Variants in PCDH9 observed in about 807,000 individuals in gnomAD.
PCDH9 encodes the protein protocadherin-9.
In PCDH9, 24 loss-of-function variants were observed where a neutral mutation model predicts 70.6. The ratio of observed to expected loss-of-function variants is 0.34; its 90% confidence interval spans 0.25 to 0.48. The LOEUF (loss-of-function observed/expected upper bound fraction) is 0.48, where lower values mean the gene tolerates loss of function less well. Among genes scored for constraint, PCDH9 ranks in the 20% least tolerant of loss-of-function variants. PCDH9 has a pLI of 0.99. For synonymous variants in PCDH9, 562 were observed against 558.5 expected (o/e 1.01, Z -0.09); for missense variants, 1,281 against 1,503.6 (o/e 0.85, Z 2.45).
intron 3 of PCDH9, among the ~76,000 whole-genome samples, chr13:66,846,499 C>A (rs560255918): frequency 1.3e-5 from 2 of 152,170 alleles, no homozygotes; most frequent in Non-Finnish European, 2.9e-5. Context: ...GTAAATATTT[C>A]TTTCATATTT....
chr13:66,416,898 TCAG>T (rs1448636957), intron 4 of PCDH9, among the ~76,000 whole-genome samples: 1 of 152,184 alleles, frequency 6.6e-6, no homozygotes, highest in African/African-American at 2.4e-5. Flanking sequence ...AGAGCTTAGA[TCAG>T]CAGCAGAAGG....
intron 3 of PCDH9, among the ~76,000 whole-genome samples, chr13:66,808,419 A>G (rs1215579770): frequency 6.6e-6 from 1 of 152,228 alleles, no homozygotes; most frequent in African/African-American, 2.4e-5. Context: ...AATACAAGAT[A>G]TATATTTTTT....
intron 4 of PCDH9, among the ~76,000 whole-genome samples, chr13:66,493,893 A>T (rs554091646): frequency 1.3e-5 from 2 of 152,234 alleles, no homozygotes; most frequent in African/African-American, 4.8e-5. Context: ...CTGCAATACT[A>T]AAAAGGTTTA....
intron 2 of PCDH9, among the ~76,000 whole-genome samples, chr13:67,029,591 G>A (rs1358953885): frequency 6.6e-6 from 1 of 152,134 alleles, no homozygotes; most frequent in Non-Finnish European, 1.5e-5. Context: ...CCCTGAATGT[G>A]TTTTAAGAGC....
intron 3 of PCDH9, among the ~76,000 whole-genome samples, chr13:66,840,248 T>C (rs2081093726): frequency 6.8e-6 from 1 of 147,900 alleles, no homozygotes; most frequent in Admixed American, 7.0e-5. Context: ...ATCTTTTATA[T>C]TACATTAGAA....
At chr13:66,650,944 G>A (rs767857118) in intron 3 of PCDH9, among the ~76,000 whole-genome samples, 10 of 151,848 alleles carry the variant, frequency 6.6e-5, no homozygotes, top group Non-Finnish European at 1.5e-4. Flanking sequence ...CAGGGGGTGA[G>A]TGAAGAAATT....
chr13:66,634,713 A>G (rs1325020999), intron 3 of PCDH9, among the ~76,000 whole-genome samples: 1 of 152,182 alleles, frequency 6.6e-6, no homozygotes, highest in African/African-American at 2.4e-5. Context: ...ATAATTATTG[A>G]AATTTAAAAC....
chr13:66,840,196 A>T (rs985385298), intron 3 of PCDH9, among the ~76,000 whole-genome samples: 3 of 152,180 alleles, frequency 2.0e-5, no homozygotes, highest in African/African-American at 7.2e-5. Flanking sequence ...CCATTTTCTG[A>T]ATACTGAATA....
chr13:66,974,158 G>C (rs956442115), intron 2 of PCDH9, among the ~76,000 whole-genome samples: 4 of 151,836 alleles, frequency 2.6e-5, no homozygotes, highest in African/African-American at 7.3e-5. Context: ...AATACCAAAA[G>C]GTTAAATTTA....
intron 3 of PCDH9, among the ~76,000 whole-genome samples, chr13:66,824,408 C>T (rs1186367773): frequency 6.8e-6 from 1 of 147,684 alleles, no homozygotes; most frequent in East Asian, 2.0e-4. Context: ...GTAATCCCAG[C>T]ACTTTGGGAG....
intron 3 of PCDH9, among the ~76,000 whole-genome samples, chr13:66,656,827 C>T (rs2077937579): frequency 6.6e-6 from 1 of 151,980 alleles, no homozygotes; most frequent in African/African-American, 2.4e-5. Flanking sequence ...TCTCTTTATA[C>T]AGAAAGAGGA....
At chr13:66,447,914 T>A (rs963182657) in intron 4 of PCDH9, among the ~76,000 whole-genome samples, 1 of 152,172 alleles carries the variant, frequency 6.6e-6, no homozygotes, top group Non-Finnish European at 1.5e-5. Flanking sequence ...TGACATTATA[T>A]CTGAGTTCTT....
intron 2 of PCDH9, among the ~76,000 whole-genome samples, chr13:66,922,207 T>C (rs1214403192): frequency 1.3e-5 from 2 of 151,348 alleles, no homozygotes; most frequent in African/African-American, 2.4e-5. Flanking sequence ...GAAACAAGTA[T>C]AATACAAATG....
At chr13:66,399,769 C>G (rs1383755189) in intron 4 of PCDH9, among the ~76,000 whole-genome samples, 1 of 151,794 alleles carries the variant, frequency 6.6e-6, no homozygotes, top group Non-Finnish European at 1.5e-5. Flanking sequence ...AAGTAAAATG[C>G]TACCCAAAGT....
intron 4 of PCDH9, among the ~76,000 whole-genome samples, chr13:66,588,781 G>A (rs2076998496): frequency 1.5e-5 from 2 of 131,732 alleles, no homozygotes; most frequent in East Asian, 2.3e-4. Flanking sequence ...TATATGCCAT[G>A]TAATTGCATG....
chr13:66,518,358 G>A (rs74791834), intron 4 of PCDH9, among the ~76,000 whole-genome samples: 1,650 of 152,148 alleles, frequency 0.011, 38 homozygotes, highest in East Asian at 0.092. Context: ...TTCAACCTGA[G>A]ATTTGGACAG....
chr13:67,032,633 A>C (rs1036082191), intron 2 of PCDH9, among the ~76,000 whole-genome samples: 8 of 152,244 alleles, frequency 5.3e-5, no homozygotes, highest in Non-Finnish European at 8.8e-5. Flanking sequence ...TTATTAGCAC[A>C]GTATTGACTG....
chr13:66,422,409 G>A (rs771031548), intron 4 of PCDH9, among the ~76,000 whole-genome samples: 1 of 152,140 alleles, frequency 6.6e-6, no homozygotes, highest in Non-Finnish European at 1.5e-5. Flanking sequence ...ATAATTGGAA[G>A]TAAAACACTC....
chr13:67,030,795 A>T (rs2084890554), intron 2 of PCDH9, among the ~76,000 whole-genome samples: 1 of 152,170 alleles, frequency 6.6e-6, no homozygotes, highest in South Asian at 2.1e-4. Context: ...CCTATAATTT[A>T]AAAAGTTAAA....
Sources: allele counts gnomAD v4.1 joint callset (sites outside exome capture counted in the v4.1 genomes callset), GRCh38; gene constraint gnomAD v4.1.1; transcripts MANE v1.5; gene names NCBI Gene and HGNC (gene_info 2026-07-23, HGNC 2026-07-21).